The following NPFFR2 variants were observed in gnomAD, a reference collection of about 807,000 sequenced individuals.
NPFFR2 encodes neuropeptide FF receptor 2.
In NPFFR2, 15 loss-of-function variants were observed where a neutral mutation model predicts 13.1. The observed-to-expected ratio is 1.15, with a 90% CI of 0.77 to 1.76. The LOEUF is 1.76. NPFFR2 is among the 40% of genes most tolerant of loss of function. NPFFR2 has a pLI of 0.00. For synonymous variants in NPFFR2, 190 were observed against 175.7 expected, an observed-to-expected ratio of 1.08 and a Z score of -0.65; for missense variants, 572 against 503.5, an observed-to-expected ratio of 1.14 and a Z score of -1.30.
At chr4:72,080,101 C>T (rs77834493) in intron 1 of NPFFR2, among the ~76,000 whole-genome samples, 8,008 of 151,738 alleles carry the variant, frequency 0.053, 776 homozygotes, top group East Asian at 0.47. Context: ...CTCTAAAGTT[C>T]TGGGACCAAT....
intron 1 of NPFFR2, among the ~76,000 whole-genome samples, chr4:72,049,240 T>G (rs1219252579): frequency 1.3e-5 from 2 of 152,130 alleles, no homozygotes; most frequent in Non-Finnish European, 2.9e-5. Flanking sequence ...GAAACCAAAG[T>G]ACATATATTA....
At chr4:72,119,387 T>C (rs551854274) in intron 1 of NPFFR2, among the ~76,000 whole-genome samples, 2 of 152,350 alleles carry the variant, frequency 1.3e-5, no homozygotes, top group East Asian at 3.9e-4. Context: ...ACACTGTAAT[T>C]ATTTATAATA....
Position 72,117,938 on chromosome 4 carries a change from A to AT in NPFFR2, c.-7-10647_-7-10646insT, listed in dbSNP as rs756206527. Reference sequence around the variant, plus strand: ...TAGCACTAGCCCTAAACACAATATGAGTAAGGTAACAAAAAAGTAACCTGA... The same window carrying AT: ...TAGCACTAGCCCTAAACACAATATGATGTAAGGTAACAAAAAAGTAACCTGA... On this transcript the variant is annotated intron_variant, in intron 1 of 3. Transcript: ENST00000308744. Among the ~76,000 whole-genome samples the AT allele has an allele frequency of 2.7e-3, 418 of 152,322 alleles. 2 individuals are homozygous for AT. Among genetic ancestry groups the AT allele is most frequent in the Non-Finnish European group, 4.9e-3 (333 of 68,026 alleles).
At chr4:72,126,424 T>C (rs920709426) in intron 1 of NPFFR2, among the ~76,000 whole-genome samples, 4 of 152,228 alleles carry the variant, frequency 2.6e-5, no homozygotes, top group Admixed American at 6.5e-5. Context: ...TATAACCTTC[T>C]GTTCAATTAA....
intron 1 of NPFFR2, among the ~76,000 whole-genome samples, chr4:72,062,575 C>T (rs779180083): frequency 3.3e-5 from 5 of 151,130 alleles, no homozygotes; most frequent in Admixed American, 6.6e-5. Flanking sequence ...TATCTATGTC[C>T]TTTCCAATGT....
intron 2 of NPFFR2, among the ~76,000 whole-genome samples, chr4:72,137,463 T>C (rs1213468344): frequency 1.3e-5 from 2 of 152,328 alleles, no homozygotes; most frequent in African/African-American, 4.8e-5. Context: ...AAGTGCTCTT[T>C]ATTCTGGATG....
At chr4:72,079,902 G>C (rs1472798886) in intron 1 of NPFFR2, among the ~76,000 whole-genome samples, 1 of 151,960 alleles carries the variant, frequency 6.6e-6, no homozygotes, top group Non-Finnish European at 1.5e-5. Context: ...TGTTGAATGA[G>C]GAAAACAGAA....
chr4:72,077,259 G>T (rs549693095), intron 1 of NPFFR2, among the ~76,000 whole-genome samples: 2 of 151,950 alleles, frequency 1.3e-5, no homozygotes, highest in African/African-American at 4.8e-5. Context: ...GGGGATTTTT[G>T]TTGGCTGGCA....
intron 1 of NPFFR2, among the ~76,000 whole-genome samples, chr4:72,038,910 T>TTTTTTTTC (rs1719117584): frequency 8.8e-6 from 1 of 113,332 alleles, no homozygotes; most frequent in Admixed American, 9.2e-5. Context: ...CCTTTCTTTT[T>TTTTTTTTC]TTTTTTTTTT....
intron 1 of NPFFR2, among the ~76,000 whole-genome samples, chr4:72,119,638 G>A (rs928085625): frequency 6.6e-6 from 1 of 152,190 alleles, no homozygotes; most frequent in Non-Finnish European, 1.5e-5. Context: ...GTGAGCTGAA[G>A]CAGGGTGGGG....
chr4:72,046,721 G>T (rs1401152762), intron 1 of NPFFR2, among the ~76,000 whole-genome samples: 1 of 152,196 alleles, frequency 6.6e-6, no homozygotes, highest in African/African-American at 2.4e-5. Context: ...AGCCTAGATT[G>T]CTGTGAATGT....
rs766601247 is a variant in NPFFR2 at position 72,042,388 on chromosome 4, A to G, written c.-8+10188A>G. On this transcript the variant is annotated intron_variant, in intron 1 of 3. Transcript: ENST00000308744. ...GCGTGAGAATGGACTAGTAGAGTAT[A>G]TTAATATCCAGAATGGGGTGCTGCT... 2.4e-4 allele frequency among the ~76,000 whole-genome samples: 37 copies of G among 152,174 alleles called. 1 individual carries two copies. The highest frequency in any genetic ancestry group is 2.0e-3 in the Admixed American group (31 of 15,276).
intron 1 of NPFFR2, among the ~76,000 whole-genome samples, chr4:72,085,066 T>G (rs2109796459): frequency 6.8e-6 from 1 of 147,430 alleles, no homozygotes. Context: ...AAAAAAAAAG[T>G]CATTAAGACA....
chr4:72,098,082 C>T (rs1292724780), intron 1 of NPFFR2, among the ~76,000 whole-genome samples: 1 of 152,254 alleles, frequency 6.6e-6, no homozygotes, highest in Non-Finnish European at 1.5e-5. Context: ...TAAAGAATCT[C>T]TAAGCCAAGC....
chr4:72,075,940 ATCTC>A (rs370853773), intron 1 of NPFFR2, among the ~76,000 whole-genome samples: 44 of 144,324 alleles, frequency 3.0e-4, no homozygotes, highest in African/African-American at 4.8e-4. Flanking sequence ...AAGTAAATCA[ATCTC>A]TCTCTCTCTC....
intron 1 of NPFFR2, among the ~76,000 whole-genome samples, chr4:72,072,520 A>G (rs1033416581): frequency 2.0e-5 from 3 of 152,156 alleles, no homozygotes; most frequent in African/African-American, 4.8e-5. Context: ...ATTGTCTGAG[A>G]AACAGAAAGA....
chr4:72,128,259 G>C (rs1273651553), intron 1 of NPFFR2, among the ~76,000 whole-genome samples: 1 of 151,972 alleles, frequency 6.6e-6, no homozygotes. Flanking sequence ...GATACCTGGA[G>C]GTAGAGGGAA....
chr4:72,127,734 A>G (rs1384486204), intron 1 of NPFFR2, among the ~76,000 whole-genome samples: 2 of 152,140 alleles, frequency 1.3e-5, no homozygotes, highest in South Asian at 2.1e-4. Context: ...ACCTAGCCCT[A>G]TATTAAGAGA....
At chr4:72,078,566 C>CT (rs1299403912) in intron 1 of NPFFR2, among the ~76,000 whole-genome samples, 9 of 152,026 alleles carry the variant, frequency 5.9e-5, no homozygotes, top group Non-Finnish European at 2.9e-5. Flanking sequence ...TCCTCCTAAA[C>CT]TTTATGTAGA....
Sources: allele counts gnomAD v4.1 joint callset (sites outside exome capture counted in the v4.1 genomes callset), GRCh38; gene constraint gnomAD v4.1.1; transcripts MANE v1.5; gene names NCBI Gene and HGNC (gene_info 2026-07-23, HGNC 2026-07-21).